Variants in NLRC4 observed in about 807,000 individuals in gnomAD.
NLRC4 encodes the protein NLR family CARD domain-containing protein 4.
Under a neutral mutation model 79.9 loss-of-function variants are expected in NLRC4, and 63 were observed. The ratio of observed to expected loss-of-function variants is 0.79; its 90% CI spans 0.64 to 0.97. NLRC4 has a LOEUF of 0.97. Ranked by LOEUF, NLRC4 falls within the 50% of genes least tolerant of loss-of-function variation. NLRC4 has a pLI of 0.00. For synonymous variants in NLRC4, 461 were observed against 456.5 expected, an observed-to-expected ratio of 1.01 and a Z score of -0.12; for missense variants, 1,074 against 1,215.2, an observed-to-expected ratio of 0.88 and a Z score of 1.73.
intron 1 of NLRC4, 145 bp downstream of exon 1, chr2:32,264,593 G>A (rs900677650): frequency 6.6e-6 from 1 of 151,956 alleles, no homozygotes. Flanking sequence ...TTTCTCGGCA[G>A]GCAAATCCAG....
intron 8 of NLRC4, among the ~76,000 whole-genome samples, chr2:32,230,390 C>G (rs1412271122): frequency 6.6e-6 from 1 of 151,940 alleles, no homozygotes; most frequent in Non-Finnish European, 1.5e-5. Context: ...GTGGTGCCAT[C>G]CTGACCTCAG....
chr2:32,241,015 T>C lies in NLRC4; in HGVS notation c.2350+18A>G, dbSNP rs956584119. ...TATCAAACTTACATTGATACAAATA[T>C]GAGAACAGAAATCTGACCTAGTTTT... On this transcript the variant is annotated intron_variant, in intron 5 of 8. Transcript: ENST00000402280. The C allele has an allele frequency of 5.6e-6, 8 of 1,438,576 alleles. No homozygotes were observed. The highest frequency in any genetic ancestry group is 1.1e-5 in the South Asian group (1 of 87,200). 89.1% of individuals were successfully genotyped at this position (1,438,576 alleles called of 1,614,324 possible).
chr2:32,244,173 C>T (rs181852118), intron 4 of NLRC4, among the ~76,000 whole-genome samples: 1 of 152,080 alleles, frequency 6.6e-6, no homozygotes, highest in Non-Finnish European at 1.5e-5. Flanking sequence ...TCTGTTGAGC[C>T]CAGGAAGTCA....
chr2:32,249,965 T>C lies in NLRC4; in HGVS notation c.1899A>G (p.Gly633=), dbSNP rs1321401852. ...TTTCTGGGGCCTCTTCCATGTGGATTCCACCTGTGTCTTCTGCAGCCTTTT... is the reference window on the plus strand; with the variant it reads ...TTTCTGGGGCCTCTTCCATGTGGATCCCACCTGTGTCTTCTGCAGCCTTTT... ...SWEKAAEDTG[G]IHMEEAPETY... The change falls in exon 4 of 9, where the codon GGA becomes GGG. Residue 633 remains glycine, a synonymous_variant. Coordinates refer to ENST00000402280, the MANE Select transcript of NLRC4 (RefSeq NM_001199138.2). 1 of 1,614,206 alleles carries C rather than the reference T, an allele frequency of 6.2e-7. No homozygotes were observed. The highest frequency in any genetic ancestry group is 1.7e-5 in the Admixed American group (1 of 60,030).
chr2:32,225,492 C>T (rs114745449), intron 8 of NLRC4, among the ~76,000 whole-genome samples: 131 of 151,806 alleles, frequency 8.6e-4, no homozygotes, highest in African/African-American at 3.1e-3. Flanking sequence ...CCCATGTTAC[C>T]AGTTTAGGTG....
At position 32,251,106 on chromosome 2, in the gene NLRC4, A is replaced by T; in HGVS notation, c.758T>A (p.Phe253Tyr). The change falls in exon 4 of 9, where the codon TTC becomes TAC. Residue 253 changes from phenylalanine (F) to tyrosine (Y), a missense_variant. Phe to Tyr is a conservative substitution (Grantham distance 22, BLOSUM62 3). Transcript: ENST00000402280. ...GATTTCTGGGCAGTTCTGGGGCTTG[A>T]ATTCATTGTAGCCATCAAGAAGGAA... is the stretch of plus-strand genomic sequence containing the variant. ...VLFLLDGYNE[F>Y]KPQNCPEIEA... 1 of 1,614,166 alleles carries T rather than the reference A, an allele frequency of 6.2e-7. No individual in the cohort carries two copies. Among genetic ancestry groups the T allele is most frequent in the Non-Finnish European group, 8.5e-7 (1 of 1,180,036 alleles).
At chr2:32,233,218 G>A (rs1686588882) in intron 8 of NLRC4, among the ~76,000 whole-genome samples, 1 of 117,990 alleles carries the variant, frequency 8.5e-6, no homozygotes. Flanking sequence ...AAGGAAGAAG[G>A]AAGGGAGGGA....
chr2:32,258,338 C>A (rs904987868), intron 1 of NLRC4, among the ~76,000 whole-genome samples: 14 of 152,192 alleles, frequency 9.2e-5, no homozygotes, highest in Non-Finnish European at 2.1e-4. Flanking sequence ...GTGTGTCTGC[C>A]TGCAAGGGTC....
intron 1 of NLRC4, among the ~76,000 whole-genome samples, chr2:32,257,298 C>T (rs1410093350): frequency 2.6e-5 from 4 of 152,184 alleles, no homozygotes; most frequent in Non-Finnish European, 4.4e-5. Flanking sequence ...GGAGACAGCA[C>T]ATGAACCAGG....
chr2:32,225,927 G>A (rs1412170545), intron 8 of NLRC4, among the ~76,000 whole-genome samples: 1 of 152,160 alleles, frequency 6.6e-6, no homozygotes, highest in African/African-American at 2.4e-5. Context: ...ATTAGATAAT[G>A]TTCCAGAAAC....
At chr2:32,263,555 T>C (rs1426484821) in intron 1 of NLRC4, among the ~76,000 whole-genome samples, 1 of 152,182 alleles carries the variant, frequency 6.6e-6, no homozygotes, top group African/African-American at 2.4e-5. Flanking sequence ...AATGTGACTG[T>C]ATTTGCAGAC....
intron 7 of NLRC4, 48 bp from the exon 8 acceptor site, chr2:32,235,616 A>T: frequency 6.6e-7 from 1 of 1,521,218 alleles, no homozygotes; most frequent in Non-Finnish European, 9.1e-7. Context: ...CTCAAAACTG[A>T]GGAAGAACAA....
In NLRC4 at chr2:32,249,661, C is replaced by T. The variant is rs768369359; in HGVS notation, c.2203G>A (p.Val735Ile). The T allele has an allele frequency of 6.8e-6, 11 of 1,612,956 alleles. No individual in the cohort carries two copies. Among genetic ancestry groups the T allele is most frequent in the Non-Finnish European group, 9.3e-6 (11 of 1,179,552 alleles). Residue 735 changes from valine (V) to isoleucine (I), a missense_variant, in exon 4 of 9, where the codon GTA (valine) becomes ATA (isoleucine). Physicochemically the swap from Val to Ile is conservative, Grantham distance 29 (BLOSUM62 3). Coordinates refer to ENST00000402280, the MANE Select transcript of NLRC4 (RefSeq NM_001199138.2). ...ATACTCAAGGTTTTCAGGTTTGTTA[C>T]AGATGTGATGTGCCTCTCATCTTCT... ...TIEDERHITS[V>I]TNLKTLSIHD...
chr2:32,233,835 G>GCAGA (rs1686610554), intron 8 of NLRC4, among the ~76,000 whole-genome samples: 1 of 152,132 alleles, frequency 6.6e-6, no homozygotes, highest in South Asian at 2.1e-4. Context: ...ATGTTTCTTT[G>GCAGA]TTGATTCTCT....
intron 5 of NLRC4, among the ~76,000 whole-genome samples, chr2:32,240,038 T>A (rs896114848): frequency 6.6e-6 from 1 of 152,196 alleles, no homozygotes; most frequent in African/African-American, 2.4e-5. Flanking sequence ...TGGAGTGCAG[T>A]GGAGCAATCT....
Position 32,235,461 on chromosome 2 carries a change from G to A in NLRC4, c.2722C>T (p.Gln908Ter), listed in dbSNP as rs1196599498. 1.9e-6 allele frequency: 3 copies of A among 1,614,094 alleles called. No homozygotes were observed. The highest frequency in any genetic ancestry group is 2.5e-6 in the Non-Finnish European group (3 of 1,179,918). The change falls in exon 8 of 9, where the codon CAA (glutamine) becomes TAA (stop). Residue 908 changes from glutamine (Q) to a stop codon, truncating the protein, a stop_gained. Transcript: ENST00000402280. LOFTEE classifies it high-confidence loss of function. ...TTTTTCAACCCAAGCTTGACGAGTT[G>A]TGGGACCTCCTCCAAATGTTTCAAC... is the stretch of plus-strand genomic sequence containing the variant. ...SLLKHLEEVP[Q>*]LVKLGLKNWR...
At position 32,249,780 on chromosome 2, in the gene NLRC4, T is replaced by C; in HGVS notation, c.2084A>G (p.Lys695Arg). ...SSATSLRLQI[K>R]RCAGVAGSLS... is the part of the protein sequence containing the mutation. The stretch of plus-strand genomic sequence containing the variant: ...GCTTCCAGCCACACCAGCACATCTC[T>C]TTATTTGCAGCCTGAGGCTTGTGGC... Residue 695 changes from lysine to arginine, a missense_variant, in exon 4 of 9, where the codon AAG becomes AGG. By Grantham distance (26) the Lys-to-Arg change is conservative. Coordinates refer to ENST00000402280, the MANE Select transcript of NLRC4 (RefSeq NM_001199138.2). 1.9e-6 allele frequency: 3 copies of C among 1,614,232 alleles called. No individual in the cohort carries two copies. The highest frequency in any genetic ancestry group is 2.5e-6 in the Non-Finnish European group (3 of 1,180,042).
chr2:32,231,912 G>A (rs1029127783), intron 8 of NLRC4, among the ~76,000 whole-genome samples: 1 of 152,106 alleles, frequency 6.6e-6, no homozygotes, highest in African/African-American at 2.4e-5. Flanking sequence ...TCCAGGATAG[G>A]ACATTACATT....
Position 32,249,720 on chromosome 2 carries a change from T to C in NLRC4, c.2144A>G (p.Tyr715Cys). The part of the protein sequence containing the change: ...SLVLSTCKNI[Y>C]SLMVEASPLT... ...GGGACTGGCTTCCACCATGAGAGAA[T>C]AAATGTTCTTACAGGTGCTGAGGAC... Residue 715 changes from tyrosine (Y) to cysteine (C), a missense_variant, in exon 4 of 9, where the codon TAT becomes TGT. Tyr to Cys is a radical substitution (Grantham distance 194). Coordinates refer to ENST00000402280, the MANE Select transcript of NLRC4 (RefSeq NM_001199138.2). 9.3e-6 allele frequency: 15 copies of C among 1,614,192 alleles called. No homozygotes were observed. The highest frequency in any genetic ancestry group is 1.3e-5 in the Non-Finnish European group (15 of 1,180,010).
Sources: gnomAD v4.1 joint callset for allele counts (sites outside exome capture counted in the v4.1 genomes callset) on GRCh38, gnomAD v4.1.1 for gene constraint, MANE v1.5 for transcripts, NCBI Gene and HGNC (gene_info 2026-07-23, HGNC 2026-07-21) for gene names.